CELF2: variants seen among roughly 807,000 people sequenced by gnomAD.
CELF2 encodes the protein CUGBP Elav-like family member 2, also known as CUG triplet repeat RNA-binding protein 2.
Under a neutral mutation model 62.6 loss-of-function variants are expected in CELF2, and 8 were observed. The ratio of observed to expected loss-of-function variants is 0.13; its 90% CI spans 0.07 to 0.23. The LOEUF is 0.23. Among genes scored for constraint, CELF2 ranks in the 10% least tolerant of loss-of-function variants. The pLI is 1.00. For synonymous variants in CELF2, 258 were observed against 250.0 expected (o/e 1.03, Z -0.30); for missense variants, 333 against 671.0 (o/e 0.50, Z 5.56).
chr10:11,124,565 A>G (rs2058345194), intron 1 of CELF2, among the ~76,000 whole-genome samples: 1 of 152,176 alleles, frequency 6.6e-6, no homozygotes, highest in Non-Finnish European at 1.5e-5. Flanking sequence ...AATTTTCCAA[A>G]AATTGGAGAT....
At chr10:11,014,874 G>T (rs1421694093), upstream of CELF2, among the ~76,000 whole-genome samples, 1 of 152,156 alleles carries the variant, frequency 6.6e-6, no homozygotes, top group Non-Finnish European at 1.5e-5. Flanking sequence ...GAAGGTAGGG[G>T]GATGGGGCTA....
upstream of CELF2, chr10:10,798,601 G>A: frequency 2.5e-6 from 1 of 396,578 alleles, no homozygotes; most frequent in Non-Finnish European, 4.4e-6. Flanking sequence ...GCGCAGGATT[G>A]ATTTGCGGGG....
In CELF2 at chr10:11,318,339, G is replaced by C. The variant is rs559765184; in HGVS notation, c.1097-2850G>C. 1 of 177,880 alleles carries C rather than the reference G, an allele frequency of 5.6e-6. No homozygotes were observed. The highest frequency in any genetic ancestry group is 1.2e-5 in the Non-Finnish European group (1 of 84,118). The allele number at this position is 177,880 out of a possible 1,614,324, so 11.0% of individuals were successfully genotyped here. A position where few individuals can be genotyped will look rare whatever the true frequency, so the allele number is the denominator to read the frequency against. On this transcript the variant is annotated intron_variant, in intron 10 of 12. Coordinates refer to ENST00000633077, the MANE Select transcript of CELF2 (RefSeq NM_001326342.2). The surrounding 1 kb of genome is among the most constrained non-coding windows in gnomAD (Gnocchi z 5.4). ...TGGATGTTTATACCATGGAGGTGGCGAGCCCCTGGCTGGAGAGGCCAAACC... is the reference window on the plus strand; with the variant it reads ...TGGATGTTTATACCATGGAGGTGGCCAGCCCCTGGCTGGAGAGGCCAAACC...
chr10:11,077,086 A>G (rs2072211073), intron 1 of CELF2, among the ~76,000 whole-genome samples: 1 of 152,184 alleles, frequency 6.6e-6, no homozygotes, highest in African/African-American at 2.4e-5. Context: ...GTGATTTCCC[A>G]AGTCCTTTGC....
chr10:11,131,996 G>C (rs1750724), intron 1 of CELF2, among the ~76,000 whole-genome samples: 50,963 of 152,140 alleles, frequency 0.33, 9,530 homozygotes, highest in East Asian at 0.77. Context: ...CAATAAAACC[G>C]TAATTTTATA....
At chr10:10,531,403 T>A in the CELF2 span, among the ~76,000 whole-genome samples, 1 of 152,292 alleles carries the variant, frequency 6.6e-6, no homozygotes, top group East Asian at 1.9e-4. Flanking sequence ...TCTTGTAGTA[T>A]CCTTATGATA....
At chr10:10,847,499 C>T (rs1396823788) in intron 1 of CELF2, among the ~76,000 whole-genome samples, 1 of 152,198 alleles carries the variant, frequency 6.6e-6, no homozygotes, top group Non-Finnish European at 1.5e-5. Flanking sequence ...AGCAGACCTC[C>T]TCACTCTGTA....
chr10:10,527,263 G>A, the CELF2 span, among the ~76,000 whole-genome samples: 1 of 152,000 alleles, frequency 6.6e-6, no homozygotes, highest in Non-Finnish European at 1.5e-5. Flanking sequence ...CCAACATGAC[G>A]AAACCCCATC....
chr10:10,638,019 A>C, the CELF2 span, among the ~76,000 whole-genome samples: 1 of 152,186 alleles, frequency 6.6e-6, no homozygotes, highest in Admixed American at 6.5e-5. Flanking sequence ...AGTTCATCAA[A>C]AAAGAATCTT....
chr10:11,017,917 G>C lies in CELF2; in HGVS notation c.-173G>C. 2.0e-6 allele frequency: 2 copies of C among 982,026 alleles called. No individual in the cohort carries two copies. The highest frequency in any genetic ancestry group is 1.2e-6 in the Non-Finnish European group (1 of 828,900). 60.8% of individuals were successfully genotyped at this position (982,026 alleles called of 1,614,324 possible). On this transcript the variant is annotated 5_prime_UTR_variant, in exon 1 of 13. Transcript: ENST00000633077. This position sits in a 1 kb window ranked among gnomAD's most constrained non-coding sequence, Gnocchi z 5.5. ...GCGCTCGGCAGCCGGCCGCCCCGGC[G>C]CTGGATTTCGGAGGGGATTGGCGGA... is the stretch of plus-strand genomic sequence containing the variant.
At chr10:10,604,931 A>C in the CELF2 span, among the ~76,000 whole-genome samples, 4 of 152,296 alleles carry the variant, frequency 2.6e-5, no homozygotes, top group South Asian at 2.1e-4. Flanking sequence ...GTACATACCC[A>C]AAGGAACGTG....
At chr10:11,005,160 G>A, upstream of CELF2, 1 of 985,234 alleles carries the variant, frequency 1.0e-6, no homozygotes, top group Non-Finnish European at 1.2e-6. The surrounding 1 kb of genome is among the most constrained non-coding windows in gnomAD (Gnocchi z 4.3). Context: ...TAACTTGTCA[G>A]AGAGGATTAT....
the CELF2 span, among the ~76,000 whole-genome samples, chr10:10,511,427 A>C: frequency 1.3e-5 from 2 of 152,044 alleles, no homozygotes; most frequent in Non-Finnish European, 2.9e-5. Flanking sequence ...CTAAATAAAT[A>C]AATAAAATAT....
At chr10:10,485,738 G>C in the CELF2 span, among the ~76,000 whole-genome samples, 1 of 152,162 alleles carries the variant, frequency 6.6e-6, no homozygotes, top group Non-Finnish European at 1.5e-5. Flanking sequence ...TCCTGGGAGG[G>C]TTGCAGTGAT....
At chr10:11,032,414 T>C (rs1206084678) in intron 1 of CELF2, among the ~76,000 whole-genome samples, 1 of 152,150 alleles carries the variant, frequency 6.6e-6, no homozygotes, top group Non-Finnish European at 1.5e-5. Flanking sequence ...GGCCAGGAGT[T>C]TGAGGCCAGC....
chr10:11,034,556 T>C (rs4356135), intron 1 of CELF2, among the ~76,000 whole-genome samples: 147,745 of 152,050 alleles, frequency 0.97, 71,823 homozygotes, highest in East Asian at 1. Context: ...TTGGTGGAAA[T>C]GTGCACAGAA....
the CELF2 span, among the ~76,000 whole-genome samples, chr10:10,687,827 A>T: frequency 6.6e-6 from 1 of 152,356 alleles, no homozygotes; most frequent in Admixed American, 6.5e-5. Context: ...ACCCACTGTC[A>T]ATTTGCTACC....
chr10:11,158,050 C>A (rs1206724593), intron 1 of CELF2, among the ~76,000 whole-genome samples: 1 of 152,158 alleles, frequency 6.6e-6, no homozygotes, highest in East Asian at 1.9e-4. Context: ...AAGCGCAGGC[C>A]CCTGTTGAGT....
chr10:11,003,977 T>C (rs2054789870), upstream of CELF2, among the ~76,000 whole-genome samples: 1 of 152,194 alleles, frequency 6.6e-6, no homozygotes. The surrounding 1 kb of genome is among the most constrained non-coding windows in gnomAD (Gnocchi z 4.4). Context: ...TTATTTGCCA[T>C]AGTCCAGCTG....
Sources: allele counts gnomAD v4.1 joint callset (sites outside exome capture counted in the v4.1 genomes callset), GRCh38; gene constraint gnomAD v4.1.1; non-coding constraint Gnocchi (gnomAD v3.1); transcripts MANE v1.5; gene names NCBI Gene and HGNC (gene_info 2026-07-23, HGNC 2026-07-21).